The following GLP1R variants were observed in gnomAD, a reference collection of about 807,000 sequenced individuals.
GLP1R encodes glucagon-like peptide 1 receptor.
A neutral mutation model predicts 68.4 loss-of-function variants in GLP1R; 32 were observed. The observed-to-expected ratio is 0.47, with a 90% CI of 0.35 to 0.63. The LOEUF (loss-of-function observed/expected upper bound fraction) is 0.63. Ranked by LOEUF, GLP1R falls within the 20% of genes least tolerant of loss-of-function variation. The pLI is 0.00. For missense variants in GLP1R, 502 were observed against 594.9 expected (o/e 0.84, Z 1.62); for synonymous variants, 263 against 244.4 (o/e 1.08, Z -0.71).
At chr6:39,085,216 T>A (rs1282338831) in intron 12 of GLP1R, among the ~76,000 whole-genome samples, 1 of 152,216 alleles carries the variant, frequency 6.6e-6, no homozygotes, top group Non-Finnish European at 1.5e-5. Context: ...TCAGCCCTCC[T>A]GAGAGGCTTT....
At chr6:39,050,446 C>T (rs1055966684) in intron 1 of GLP1R, among the ~76,000 whole-genome samples, 1 of 152,124 alleles carries the variant, frequency 6.6e-6, no homozygotes, top group Non-Finnish European at 1.5e-5. Flanking sequence ...GCCTTATTCC[C>T]AGAAGTGTCA....
Position 39,088,298 on chromosome 6 carries a change from C to T in GLP1R, c.*2225C>T, listed in dbSNP as rs12192107. Among the ~76,000 whole-genome samples, 8 of 151,780 alleles carry T rather than the reference C, an allele frequency of 5.3e-5. No homozygotes were observed. The highest frequency in any genetic ancestry group is 3.9e-4 in the East Asian group (2 of 5,164). On this transcript the variant is annotated 3_prime_UTR_variant, in exon 13 of 13. Coordinates refer to ENST00000373256, the MANE Select transcript of GLP1R (RefSeq NM_002062.5). ...TTTGCTCCAACCCCCGCTCCCCCGG[C>T]CCCCCGAAGCTATTAATAGTCATTC...
At chr6:39,075,556 CT>C (rs1052414071) in intron 7 of GLP1R, among the ~76,000 whole-genome samples, 4 of 152,114 alleles carry the variant, frequency 2.6e-5, no homozygotes, top group African/African-American at 9.7e-5. Flanking sequence ...CACACCCTAG[CT>C]CAGGGCTCGG....
rs200959928 is a variant in GLP1R, at chr6:39,086,750, G to T, written c.*677G>T. 6.6e-6 allele frequency: 1 copy of T among 152,636 alleles called. No homozygotes were observed. The highest frequency in any genetic ancestry group is 1.5e-5 in the Non-Finnish European group (1 of 68,078). 9.5% of individuals were successfully genotyped at this position (152,636 alleles called of 1,614,324 possible). A position where few individuals can be genotyped will look rare whatever the true frequency, so the allele number is the denominator to read the frequency against. ...AAGAATGAGCATTGAGACGGTGCTC[G>T]CTTCTCCTCCAGGTATTTGAGTTGT... is the stretch of plus-strand genomic sequence containing the variant. On this transcript the variant is annotated 3_prime_UTR_variant, in exon 13 of 13. Transcript: ENST00000373256. This position sits in a 1 kb window ranked among gnomAD's most constrained non-coding sequence, Gnocchi z 4.5.
In GLP1R at chr6:39,063,573, C is replaced by T. The variant is rs551367834; in HGVS notation, c.284-2138C>T. ...CTTCCAGAAGGAGTCATGCTGCAAG[C>T]TGACTTGCCCCACTGTGTTACCAGA... On this transcript the variant is annotated intron_variant, in intron 3 of 12. Transcript: ENST00000373256. Among the ~76,000 whole-genome samples, 3 of 152,276 alleles carry T rather than the reference C, an allele frequency of 2.0e-5. No homozygotes were observed. The South Asian group carries it at 6.2e-4, about 32-fold the overall frequency.
rs74897780 is a variant in GLP1R, at chr6:39,055,662, G to C, written c.79-735G>C. On this transcript the variant is annotated intron_variant, in intron 1 of 12. Transcript: ENST00000373256. ...CATGTCCTCAGGACTCTTCCTTTGGGTGGATAGAAGCTGGGTTGAATATTA... is the reference window on the plus strand; with the variant it reads ...CATGTCCTCAGGACTCTTCCTTTGGCTGGATAGAAGCTGGGTTGAATATTA... Among the ~76,000 whole-genome samples, 148 of 151,840 alleles carry C rather than the reference G, an allele frequency of 9.7e-4. 1 individual carries two copies. The East Asian group carries it at 0.022, about 23-fold the overall frequency.
chr6:39,064,158 C>G (rs1768434697), intron 3 of GLP1R, among the ~76,000 whole-genome samples: 1 of 151,764 alleles, frequency 6.6e-6, no homozygotes, highest in Non-Finnish European at 1.5e-5. Flanking sequence ...CGCACGCCAC[C>G]ATGCCTGGCT....
rs745926817 is a variant in GLP1R, at chr6:39,079,548, C to G, written c.1044-16C>G. The stretch of plus-strand genomic sequence containing the variant: ...AGAGGTCCAGAATGACTCGAGATCT[C>G]TGCCCTGCCCCTCAGACTTGCCAAG... On this transcript the variant is annotated splice_polypyrimidine_tract_variant and intron_variant, in intron 10 of 12. Transcript: ENST00000373256. This position sits in a 1 kb window ranked among gnomAD's most constrained non-coding sequence, Gnocchi z 4.5. The G allele has an allele frequency of 9.5e-6, 15 of 1,576,262 alleles. No homozygotes were observed. In the South Asian group the frequency reaches 1.8e-4, roughly 19 times the overall value.
chr6:39,067,570 C>A (rs986558232), intron 5 of GLP1R, among the ~76,000 whole-genome samples: 2 of 152,198 alleles, frequency 1.3e-5, no homozygotes, highest in African/African-American at 4.8e-5. Flanking sequence ...ACCTTATCAC[C>A]TAAAGGCTTC....
At chr6:39,050,955 G>C (rs575163692) in intron 1 of GLP1R, among the ~76,000 whole-genome samples, 1 of 152,104 alleles carries the variant, frequency 6.6e-6, no homozygotes, top group African/African-American at 2.4e-5. Flanking sequence ...TCACTGTCAG[G>C]TCTCGTGAGG....
chr6:39,075,431 G>A (rs532694205), intron 7 of GLP1R, among the ~76,000 whole-genome samples: 7 of 152,306 alleles, frequency 4.6e-5, no homozygotes, highest in South Asian at 2.1e-4. Flanking sequence ...ATCAAGGGAC[G>A]TGTGTGATGT....
At position 39,088,687 on chromosome 6, in the gene GLP1R, A is replaced by C. The variant is rs944925740; in HGVS notation, c.*2614A>C. Among the ~76,000 whole-genome samples the C allele has an allele frequency of 2.0e-5, 3 of 152,234 alleles. No individual in the cohort carries two copies. Among genetic ancestry groups the C allele is most frequent in the African/African-American group, 7.2e-5 (3 of 41,468 alleles). ...AGCAGCTGAATCGCAGAACTGAAAC[A>C]AAACACTTATATTGCAAAGTTCCTT... On this transcript the variant is annotated 3_prime_UTR_variant, in exon 13 of 13. Transcript: ENST00000373256.
chr6:39,082,857 C>T lies in GLP1R; in HGVS notation c.1224+2118C>T, dbSNP rs112859544. Among the ~76,000 whole-genome samples the T allele has an allele frequency of 1.4e-4, 21 of 152,080 alleles. 1 individual carries two copies. The highest frequency in any genetic ancestry group is 6.8e-3 in the Middle Eastern group (2 of 294). On this transcript the variant is annotated intron_variant, in intron 12 of 12. Coordinates refer to ENST00000373256, the MANE Select transcript of GLP1R (RefSeq NM_002062.5). ...CCACCTTGTCATCTTGACCCCCCCA[C>T]GTCCCCGTTTCTCACTTCTCTATCC...
intron 1 of GLP1R, among the ~76,000 whole-genome samples, chr6:39,055,170 G>A (rs1768183359): frequency 6.6e-6 from 1 of 152,214 alleles, no homozygotes; most frequent in Non-Finnish European, 1.5e-5. Flanking sequence ...AAGCCAGCTA[G>A]AACCCGAGAC....
At position 39,088,442 on chromosome 6, in the gene GLP1R, A is replaced by C. The variant is rs1769203894; in HGVS notation, c.*2369A>C. Among the ~76,000 whole-genome samples, 1 of 152,144 alleles carries C rather than the reference A, an allele frequency of 6.6e-6. No individual in the cohort carries two copies. The highest frequency in any genetic ancestry group is 6.5e-5 in the Admixed American group (1 of 15,272). Reference sequence around the variant, plus strand: ...CAGCTGTTTACATGCCTGATGCCTAATGCCATACGCCTGGAACTTGCTGAG... The same window carrying C: ...CAGCTGTTTACATGCCTGATGCCTACTGCCATACGCCTGGAACTTGCTGAG... On this transcript the variant is annotated 3_prime_UTR_variant, in exon 13 of 13. Transcript: ENST00000373256.
At position 39,088,357 on chromosome 6, in the gene GLP1R, G is replaced by A. The variant is rs1181820213; in HGVS notation, c.*2284G>A. ...CTGCACTCTTTCCAAGCTTTCCTAA[G>A]CTAAATATGGCTCCAACAGGTCTGG... On this transcript the variant is annotated 3_prime_UTR_variant, in exon 13 of 13. Coordinates refer to ENST00000373256, the MANE Select transcript of GLP1R (RefSeq NM_002062.5). Among the ~76,000 whole-genome samples, 1 of 151,828 alleles carries A rather than the reference G, an allele frequency of 6.6e-6. No homozygotes were observed. Among genetic ancestry groups the A allele is most frequent in the Non-Finnish European group, 1.5e-5 (1 of 68,028 alleles).
chr6:39,079,643 G>T lies in GLP1R; in HGVS notation c.1123G>T (p.Ala375Ser). 1 of 1,611,674 alleles carries T rather than the reference G, an allele frequency of 6.2e-7. No individual in the cohort carries two copies. Among genetic ancestry groups the T allele is most frequent in the Non-Finnish European group, 8.5e-7 (1 of 1,179,018 alleles). Residue 375 changes from alanine to serine, a missense_variant, in exon 11 of 13, where the codon GCC (alanine) becomes TCC (serine). By Grantham distance (99) the Ala-to-Ser change is moderately conservative (BLOSUM62 1). Transcript: ENST00000373256. The surrounding 1 kb of genome is among the most constrained non-coding windows in gnomAD (Gnocchi z 4.5). The stretch of plus-strand genomic sequence containing the variant: ...CTTTGCCTTTGTGATGGACGAGCAC[G>T]CCCGGGGGACCCTGCGCTTCATCAA... ...VIFAFVMDEH[A>S]RGTLRFIKLF...
In GLP1R at chr6:39,079,558, C is replaced by T. The variant is rs775464265; in HGVS notation, c.1044-6C>T. 2 of 1,588,352 alleles carry T rather than the reference C, an allele frequency of 1.3e-6. No individual in the cohort carries two copies. The highest frequency in any genetic ancestry group is 1.7e-6 in the Non-Finnish European group (2 of 1,169,516). On this transcript the variant is annotated splice_polypyrimidine_tract_variant and splice_region_variant and intron_variant, in intron 10 of 12. Transcript: ENST00000373256. This position sits in a 1 kb window ranked among gnomAD's most constrained non-coding sequence, Gnocchi z 4.5. ...AATGACTCGAGATCTCTGCCCTGCCCCTCAGACTTGCCAAGTCCACGCTGA... is the reference window on the plus strand; with the variant it reads ...AATGACTCGAGATCTCTGCCCTGCCTCTCAGACTTGCCAAGTCCACGCTGA...
At chr6:39,063,389 G>A (rs1321528553) in intron 3 of GLP1R, among the ~76,000 whole-genome samples, 4 of 152,128 alleles carry the variant, frequency 2.6e-5, no homozygotes, top group African/African-American at 7.2e-5. Context: ...ATCAGACCAC[G>A]TGCCTCCCCT....
Sources: allele counts gnomAD v4.1 joint callset (sites outside exome capture counted in the v4.1 genomes callset), GRCh38; gene constraint gnomAD v4.1.1; non-coding constraint Gnocchi (gnomAD v3.1); transcripts MANE v1.5; gene names NCBI Gene and HGNC (gene_info 2026-07-23, HGNC 2026-07-21).